The following EVI5 variants were observed in gnomAD, a reference collection of about 807,000 sequenced individuals.
EVI5 encodes the protein ecotropic viral integration site 5.
A neutral mutation model predicts 112.0 loss-of-function variants in EVI5; 73 were observed. The observed-to-expected ratio is 0.65, with a 90% CI of 0.54 to 0.79. The LOEUF (loss-of-function observed/expected upper bound fraction) is 0.79. Among genes scored for constraint, EVI5 ranks in the 30% least tolerant of loss-of-function variants. The probability of loss-of-function intolerance (pLI) is 0.00; values close to 1 mark genes in which losing one functional copy is unlikely to be tolerated. For synonymous variants in EVI5, 305 were observed against 319.9 expected (o/e 0.95, Z 0.50); for missense variants, 900 against 968.8 (o/e 0.93, Z 0.94).
intron 1 of EVI5, chr1:92,756,372 T>A (rs1461280110): frequency 1.9e-6 from 1 of 524,306 alleles, no homozygotes; most frequent in African/African-American, 1.9e-5. Context: ...TTCCTGGAAG[T>A]ACTGTTGCAA....
At chr1:92,777,004 A>G (rs1185911) in intron 1 of EVI5, among the ~76,000 whole-genome samples, 3 of 151,992 alleles carry the variant, frequency 2.0e-5, no homozygotes, top group Non-Finnish European at 4.4e-5. Context: ...GGGTTTCACC[A>G]TGTTAGCCAA....
In EVI5 at chr1:92,513,808, C is replaced by T. The variant is rs142905346; in HGVS notation, c.2329G>A (p.Gly777Arg). The change falls in exon 20 of 20, where the codon GGA (glycine) becomes AGA (arginine). Residue 777 changes from glycine (G) to arginine (R), a missense_variant. Coordinates refer to ENST00000684568, the MANE Select transcript of EVI5 (RefSeq NM_001350197.2). ...QETGVGFPLH[G>R]KSGSMSLDPA... Reference sequence around the variant, plus strand: ...TCCAAAGACATCGAACCAGATTTTCCGTGCAAAGGAAAACCAACACCAGTT... The same window carrying T: ...TCCAAAGACATCGAACCAGATTTTCTGTGCAAAGGAAAACCAACACCAGTT... 101 of 1,613,462 alleles carry T rather than the reference C, an allele frequency of 6.3e-5. No individual in the cohort carries two copies. Among genetic ancestry groups the T allele is most frequent in the South Asian group, 7.7e-5 (7 of 91,024 alleles).
intron 9 of EVI5, among the ~76,000 whole-genome samples, chr1:92,691,645 G>T (rs760748716): frequency 1.1e-4 from 16 of 152,052 alleles, no homozygotes; most frequent in Non-Finnish European, 2.4e-4. Flanking sequence ...TGAAGAAAAT[G>T]AAACAACAGA....
chr1:92,790,502 T>A (rs779045794), intron 1 of EVI5, among the ~76,000 whole-genome samples: 3 of 151,324 alleles, frequency 2.0e-5, no homozygotes, highest in Non-Finnish European at 4.4e-5. Flanking sequence ...CCTACTAATG[T>A]TCAAAACTGG....
At chr1:92,660,849 G>T (rs1663874709) in intron 13 of EVI5, among the ~76,000 whole-genome samples, 1 of 151,912 alleles carries the variant, frequency 6.6e-6, no homozygotes, top group Non-Finnish European at 1.5e-5. Context: ...AATATTATTT[G>T]TTTTGATTGT....
chr1:92,784,735 C>A, intron 1 of EVI5, 101 bp downstream of exon 1: 1 of 858,036 alleles, frequency 1.2e-6, no homozygotes, highest in Non-Finnish European at 1.4e-6. Context: ...CTTGCGGCGG[C>A]CCCCGCCCGC....
At chr1:92,550,810 ATAT>A (rs1431229412) in intron 19 of EVI5, among the ~76,000 whole-genome samples, 12 of 114,134 alleles carry the variant, frequency 1.1e-4, no homozygotes, top group African/African-American at 3.5e-4. Context: ...ATATATATAT[ATAT>A]AACAAAAAAA....
At chr1:92,765,855 C>G (rs980542390) in intron 1 of EVI5, among the ~76,000 whole-genome samples, 7 of 151,900 alleles carry the variant, frequency 4.6e-5, no homozygotes, top group Non-Finnish European at 8.8e-5. Flanking sequence ...GCGGGAGGGT[C>G]GCTTCAGGCT....
At chr1:92,694,811 T>C (rs544114852) in intron 7 of EVI5, among the ~76,000 whole-genome samples, 23 of 152,298 alleles carry the variant, frequency 1.5e-4, no homozygotes, top group African/African-American at 5.1e-4. Flanking sequence ...GTTCACAGAC[T>C]AGAAAACAAA....
intron 18 of EVI5, among the ~76,000 whole-genome samples, chr1:92,597,425 C>G (rs1381220454): frequency 1.3e-5 from 2 of 152,116 alleles, no homozygotes; most frequent in Non-Finnish European, 2.9e-5. Context: ...AATAAATATA[C>G]ATTAATTTTC....
chr1:92,698,009 A>G lies in EVI5; in HGVS notation c.640-24T>C, dbSNP rs199873717. ...ATCTACATTGGAAGAAAAAAAAACA[A>G]CATAGGTTAATGTTCTCTGATACAC... On this transcript the variant is annotated intron_variant, in intron 5 of 19. Transcript: ENST00000684568. 9.3e-5 allele frequency: 149 copies of G among 1,598,878 alleles called. No individual in the cohort carries two copies. The African/African-American group carries it at 1.8e-3, about 20-fold the overall frequency.
chr1:92,703,951 G>GAAAAAAAAAAAAAA (rs1558110377), intron 3 of EVI5: 2 of 72,812 alleles, frequency 2.7e-5, no homozygotes, highest in Non-Finnish European at 2.5e-5. Context: ...AAAAAAAAAG[G>GAAAAAAAAAAAAAA]AAAATACTGT....
At chr1:92,761,823 A>C (rs1255680821) in intron 1 of EVI5, among the ~76,000 whole-genome samples, 2 of 152,220 alleles carry the variant, frequency 1.3e-5, no homozygotes, top group Non-Finnish European at 2.9e-5. Context: ...AGTAGGATTT[A>C]AGACTAGTAC....
chr1:92,785,714 C>A (rs564215032), upstream of EVI5, among the ~76,000 whole-genome samples: 3 of 152,264 alleles, frequency 2.0e-5, no homozygotes, highest in Non-Finnish European at 2.9e-5. Context: ...CGGAAACAGC[C>A]TATTAATTTC....
intron 2 of EVI5, among the ~76,000 whole-genome samples, chr1:92,734,343 A>G (rs1187534159): frequency 6.6e-6 from 1 of 152,234 alleles, no homozygotes; most frequent in Admixed American, 6.5e-5. Flanking sequence ...GTCCGTGTAT[A>G]AATACCAAAG....
At chr1:92,542,039 T>G (rs372864078) in intron 19 of EVI5, among the ~76,000 whole-genome samples, 29 of 152,270 alleles carry the variant, frequency 1.9e-4, no homozygotes, top group East Asian at 1.2e-3. Context: ...AACAATAAAG[T>G]TTGCTGCACT....
intron 6 of EVI5, among the ~76,000 whole-genome samples, chr1:92,696,643 GAA>G (rs35579313): frequency 7.3e-6 from 1 of 136,066 alleles, no homozygotes; most frequent in African/African-American, 2.7e-5. Context: ...TCTGTCTCAG[GAA>G]AAAAAAAAAA....
At chr1:92,670,425 C>T (rs1238411181) in intron 10 of EVI5, among the ~76,000 whole-genome samples, 8 of 152,154 alleles carry the variant, frequency 5.3e-5, no homozygotes, top group Non-Finnish European at 1.0e-4. Context: ...TTGATGTTCT[C>T]TATTCCTTCT....
intron 2 of EVI5, among the ~76,000 whole-genome samples, chr1:92,725,721 T>A (rs1675467715): frequency 6.8e-6 from 1 of 146,640 alleles, no homozygotes. Context: ...AGATTTTGTT[T>A]AAAAAAAAAA....
Sources: gnomAD v4.1 joint callset for allele counts (sites outside exome capture counted in the v4.1 genomes callset) on GRCh38, gnomAD v4.1.1 for gene constraint, MANE v1.5 for transcripts, NCBI Gene and HGNC (gene_info 2026-07-23, HGNC 2026-07-21) for gene names.